ROCK2: variants seen among roughly 807,000 people sequenced by gnomAD.
ROCK2 encodes the protein rho-associated protein kinase 2.
ROCK2 carries 61 observed loss-of-function variants against 195.1 expected under a neutral mutation model. The observed-to-expected ratio is 0.31, with a 90% CI of 0.25 to 0.39. ROCK2 has a LOEUF of 0.39. Ranked by LOEUF, ROCK2 falls within the 10% of genes least tolerant of loss-of-function variation. The pLI, the probability that ROCK2 is intolerant of heterozygous loss-of-function variation, is 1.00. For synonymous variants in ROCK2, 504 were observed against 545.5 expected (o/e 0.92, Z 1.06); for missense variants, 1,109 against 1,637.4 (o/e 0.68, Z 5.57).
intron 3 of ROCK2, among the ~76,000 whole-genome samples, chr2:11,258,204 A>G (rs1262948531): frequency 6.6e-6 from 1 of 151,490 alleles, no homozygotes; most frequent in African/African-American, 2.5e-5. Flanking sequence ...GATGCTTAAT[A>G]TAATGACGAC....
At chr2:11,240,699 C>T (rs1244424640) in intron 4 of ROCK2, among the ~76,000 whole-genome samples, 1 of 152,128 alleles carries the variant, frequency 6.6e-6, no homozygotes, top group East Asian at 1.9e-4. Context: ...GGTGGTTCCA[C>T]AATGCTATAA....
At chr2:11,317,018 C>T (rs1409227135) in intron 1 of ROCK2, among the ~76,000 whole-genome samples, 1 of 152,014 alleles carries the variant, frequency 6.6e-6, no homozygotes, top group African/African-American at 2.4e-5. Context: ...AGTTTGAGAC[C>T]TTCTTCAGAC....
At chr2:11,313,585 A>T (rs904461484) in intron 1 of ROCK2, among the ~76,000 whole-genome samples, 2 of 151,822 alleles carry the variant, frequency 1.3e-5, no homozygotes, top group Non-Finnish European at 2.9e-5. Context: ...GTTAAAAATA[A>T]TAGTGCTGTG....
rs1246940689 is a variant in ROCK2, at chr2:11,344,604, C to T, written c.-468G>A. 1.3e-5 allele frequency: 5 copies of T among 376,516 alleles called. No individual in the cohort carries two copies. Among genetic ancestry groups the T allele is most frequent in the Non-Finnish European group, 1.4e-5 (4 of 276,098 alleles). 23.3% of individuals were successfully genotyped at this position (376,516 alleles called of 1,614,324 possible). On this transcript the variant is annotated 5_prime_UTR_variant, in exon 1 of 33. Coordinates refer to ENST00000315872, the MANE Select transcript of ROCK2 (RefSeq NM_004850.5). The surrounding 1 kb of genome is among the most constrained non-coding windows in gnomAD (Gnocchi z 5.4). The stretch of plus-strand genomic sequence containing the variant: ...CGCCTTGCAGTCCCTCAGCCAGCTC[C>T]CGGCGCACACACTCCCGCGCGGCCG...
intron 23 of ROCK2, 25 bp downstream of exon 23, chr2:11,200,925 TAATCCAA>T: frequency 6.4e-7 from 1 of 1,557,388 alleles, no homozygotes; most frequent in East Asian, 2.2e-5. Context: ...AATTTAACTA[TAATCCAA>T]AAAAGCACCA....
intron 1 of ROCK2, among the ~76,000 whole-genome samples, chr2:11,325,364 G>A (rs891012995): frequency 1.3e-5 from 2 of 152,324 alleles, no homozygotes; most frequent in Non-Finnish European, 2.9e-5. Context: ...GTACATATTT[G>A]TCTTGTCCTT....
chr2:11,318,501 A>G (rs1461077246), intron 1 of ROCK2, among the ~76,000 whole-genome samples: 1 of 152,150 alleles, frequency 6.6e-6, no homozygotes, highest in African/African-American at 2.4e-5. Context: ...GATTCTGGAT[A>G]TTAGCCCTTT....
chr2:11,266,967 A>T (rs1166848803), intron 3 of ROCK2, among the ~76,000 whole-genome samples: 1 of 152,208 alleles, frequency 6.6e-6, no homozygotes, highest in African/African-American at 2.4e-5. Context: ...CAAAAATAAA[A>T]GCCTTCTTTA....
intron 17 of ROCK2, among the ~76,000 whole-genome samples, chr2:11,212,788 G>T (rs1572250453): frequency 6.6e-6 from 1 of 151,652 alleles, no homozygotes. Flanking sequence ...ACTTCACACA[G>T]TCTTTTCCCA....
rs1664739638 is a variant in ROCK2, at chr2:11,224,312, T to G, written c.1007+10A>C. The G allele has an allele frequency of 6.3e-7, 1 of 1,589,320 alleles. No individual in the cohort carries two copies. The highest frequency in any genetic ancestry group is 1.4e-5 in the African/African-American group (1 of 73,384). ...AGGGCTTCTCTACAAAGAAATTCAA[T>G]GTACATTACCTATCTGTTAAGAAAG... On this transcript the variant is annotated intron_variant, in intron 7 of 32. Coordinates refer to ENST00000315872, the MANE Select transcript of ROCK2 (RefSeq NM_004850.5).
intron 1 of ROCK2, among the ~76,000 whole-genome samples, chr2:11,332,075 C>T (rs1901012): frequency 6.6e-6 from 1 of 151,866 alleles, no homozygotes; most frequent in Non-Finnish European, 1.5e-5. Context: ...TCCAGGAGTT[C>T]TAGGCTGCAG....
intron 3 of ROCK2, among the ~76,000 whole-genome samples, chr2:11,257,987 T>A (rs1373972522): frequency 2.0e-5 from 3 of 151,486 alleles, no homozygotes; most frequent in African/African-American, 7.4e-5. Context: ...ATCTACCAGA[T>A]GTTATTTACA....
intron 1 of ROCK2, among the ~76,000 whole-genome samples, chr2:11,315,915 C>T (rs886543781): frequency 1.3e-5 from 2 of 152,034 alleles, no homozygotes; most frequent in African/African-American, 2.4e-5. Context: ...CTGTGCTGTC[C>T]GAGATGGTAG....
chr2:11,250,881 A>G (rs1665807552), intron 3 of ROCK2, among the ~76,000 whole-genome samples: 1 of 152,088 alleles, frequency 6.6e-6, no homozygotes, highest in Admixed American at 6.6e-5. Context: ...TAGAATATAA[A>G]CCATTTCCTG....
At chr2:11,296,691 T>C (rs1667547710) in intron 1 of ROCK2, among the ~76,000 whole-genome samples, 1 of 152,192 alleles carries the variant, frequency 6.6e-6, no homozygotes, top group African/African-American at 2.4e-5. Flanking sequence ...ACATTTTTTA[T>C]ACTAACAGAA....
intron 18 of ROCK2, among the ~76,000 whole-genome samples, chr2:11,209,278 G>A (rs1247448152): frequency 6.6e-6 from 1 of 152,118 alleles, no homozygotes; most frequent in African/African-American, 2.4e-5. Context: ...GTTTGACTGG[G>A]CAAGTAATTC....
chr2:11,324,734 T>A (rs1488211554), intron 1 of ROCK2, among the ~76,000 whole-genome samples: 1 of 152,228 alleles, frequency 6.6e-6, no homozygotes, highest in Non-Finnish European at 1.5e-5. Flanking sequence ...ATCTAACAAG[T>A]TAGTAAAGCA....
At chr2:11,241,394 G>A (rs1665424427) in intron 4 of ROCK2, among the ~76,000 whole-genome samples, 1 of 152,138 alleles carries the variant, frequency 6.6e-6, no homozygotes, top group Non-Finnish European at 1.5e-5. Context: ...TGAGAAAGGG[G>A]ATAGGGGCTT....
At chr2:11,208,820 T>C (rs1664150195) in intron 18 of ROCK2, among the ~76,000 whole-genome samples, 1 of 152,158 alleles carries the variant, frequency 6.6e-6, no homozygotes. Context: ...CTCAAACTCC[T>C]GGCCTCATGC....
Sources: allele counts gnomAD v4.1 joint callset (sites outside exome capture counted in the v4.1 genomes callset), GRCh38; gene constraint gnomAD v4.1.1; non-coding constraint Gnocchi (gnomAD v3.1); transcripts MANE v1.5; gene names NCBI Gene and HGNC (gene_info 2026-07-23, HGNC 2026-07-21).